TFAP2C: variants seen among roughly 807,000 people sequenced by gnomAD.
The protein encoded by TFAP2C is activating enhancer-binding protein 2 gamma.
TFAP2C carries 9 observed loss-of-function variants against 42.9 expected under a neutral mutation model. The ratio of observed to expected loss-of-function variants is 0.21; its 90% CI spans 0.13 to 0.37. TFAP2C has a LOEUF of 0.37. Ranked by LOEUF, TFAP2C falls within the 10% of genes least tolerant of loss-of-function variation. The pLI is 1.00. For missense variants in TFAP2C, 462 were observed against 591.7 expected, an observed-to-expected ratio of 0.78 and a Z score of 2.27; for synonymous variants, 264 against 256.0, an observed-to-expected ratio of 1.03 and a Z score of -0.30.
intron 6 of TFAP2C, among the ~76,000 whole-genome samples, 172 bp downstream of exon 6, chr20:56,636,926 C>CTTTTTTTTGTATGATTTTTT (rs1288542756): frequency 1.3e-5 from 2 of 152,196 alleles, no homozygotes; most frequent in Non-Finnish European, 2.9e-5. Context: ...AATACATTAA[C>CTTTTTTTTGTATGATTTTTT]TTTTTGTATG....
At position 56,638,304 on chromosome 20, in the gene TFAP2C, G is replaced by T; in HGVS notation, c.*291G>T. ...CCCCATTCTTTCCTTCTCTGAAAGT[G>T]GTGCTATAAGTTTTAGAATCTTTTA... On this transcript the variant is annotated 3_prime_UTR_variant, in exon 7 of 7. Transcript: ENST00000201031. 3.0e-6 allele frequency: 1 copy of T among 332,296 alleles called. No homozygotes were observed. Among genetic ancestry groups the T allele is most frequent in the Non-Finnish European group, 5.5e-6 (1 of 181,650 alleles). The allele number at this position is 332,296 out of a possible 1,614,324, so 20.6% of individuals were successfully genotyped here. A position where few individuals can be genotyped will look rare whatever the true frequency, so the allele number is the denominator to read the frequency against.
At position 56,634,697 on chromosome 20, in the gene TFAP2C, G is replaced by A. The variant is rs1600898726; in HGVS notation, c.922+429G>A. Among the ~76,000 whole-genome samples the A allele has an allele frequency of 2.0e-5, 3 of 152,266 alleles. No individual in the cohort carries two copies. In the Middle Eastern group the frequency reaches 0.01, roughly 518 times the overall value. On this transcript the variant is annotated intron_variant, in intron 5 of 6. Coordinates refer to ENST00000201031, the MANE Select transcript of TFAP2C (RefSeq NM_003222.4). ...GTAGCTGTGGGTTATTTTGTAGCTG[G>A]GGATTGTGGTCAGTGAAGAGAACCT...
At chr20:56,635,899 T>C (rs890362800) in intron 5 of TFAP2C, among the ~76,000 whole-genome samples, 16 of 152,228 alleles carry the variant, frequency 1.1e-4, no homozygotes, top group Non-Finnish European at 1.6e-4. Flanking sequence ...ACTATGTAAA[T>C]GCTATGTAAA....
Position 56,636,720 on chromosome 20 carries a change from A to G in TFAP2C, c.1033A>G (p.Met345Val). 6.2e-7 allele frequency: 1 copy of G among 1,613,588 alleles called. No homozygotes were observed. Among genetic ancestry groups the G allele is most frequent in the Non-Finnish European group, 8.5e-7 (1 of 1,179,918 alleles). Residue 345 changes from methionine to valine, a missense_variant, in exon 6 of 7, where the codon ATG becomes GTG. Met to Val is a conservative substitution (Grantham distance 21). Transcript: ENST00000201031. Reference sequence around the variant, plus strand: ...ACCTCATCTTGGAGGACGAAATGAGATGGCAGCTAGGAAGAACATGCTATT... The same window carrying G: ...ACCTCATCTTGGAGGACGAAATGAGGTGGCAGCTAGGAAGAACATGCTATT... ...TRPHLGGRNE[M>V]AARKNMLLAA...
chr20:56,637,168 A>C lies in TFAP2C; in HGVS notation c.1067+414A>C, dbSNP rs558506302. Among the ~76,000 whole-genome samples, 7 of 152,368 alleles carry C rather than the reference A, an allele frequency of 4.6e-5. No homozygotes were observed. In the South Asian group the frequency reaches 1.4e-3, roughly 32 times the overall value. ...ATCAGGGTGGATTTGTGGGCAAATT[A>C]ACTGTCTCCAAAACGACTTAATGCA... On this transcript the variant is annotated intron_variant, in intron 6 of 6. Transcript: ENST00000201031.
Position 56,631,963 on chromosome 20 carries a change from A to G in TFAP2C, c.586+107A>G. The G allele has an allele frequency of 7.8e-7, 1 of 1,277,780 alleles. No individual in the cohort carries two copies. Among genetic ancestry groups the G allele is most frequent in the Non-Finnish European group, 1.1e-6 (1 of 879,360 alleles). 79.2% of individuals were successfully genotyped at this position (1,277,780 alleles called of 1,614,324 possible). ...GTGGCCAGCGTGGGACATTTGTGGT[A>G]GAAGGGACTGAAAGGGATTCATGGA... On this transcript the variant is annotated intron_variant, in intron 3 of 6. Coordinates refer to ENST00000201031, the MANE Select transcript of TFAP2C (RefSeq NM_003222.4). This position sits in a 1 kb window ranked among gnomAD's most constrained non-coding sequence, Gnocchi z 6.1.
chr20:56,631,547 C>G lies in TFAP2C; in HGVS notation c.391C>G (p.Leu131Val). ...CGGCCTACTGCCCCACCTCTCCGGG[C>G]TGGAGGCGGGCGCGGTGAGCGCCCG... ...PAGLLPHLSG[L>V]EAGAVSARRD... The change falls in exon 2 of 7, where the codon CTG becomes GTG. Residue 131 changes from leucine to valine, a missense_variant. Coordinates refer to ENST00000201031, the MANE Select transcript of TFAP2C (RefSeq NM_003222.4). This position sits in a 1 kb window ranked among gnomAD's most constrained non-coding sequence, Gnocchi z 6.1. 7 of 1,531,842 alleles carry G rather than the reference C, an allele frequency of 4.6e-6. No homozygotes were observed. Among genetic ancestry groups the G allele is most frequent in the Non-Finnish European group, 5.2e-6 (6 of 1,145,754 alleles). The allele number at this position is 1,531,842 out of a possible 1,614,324, so 94.9% of individuals were successfully genotyped here.
rs1029299518 is a variant in TFAP2C, at chr20:56,631,092, G to A, written c.49-113G>A. 3 of 1,437,576 alleles carry A rather than the reference G, an allele frequency of 2.1e-6. No individual in the cohort carries two copies. Among genetic ancestry groups the A allele is most frequent in the African/African-American group, 3.0e-5 (2 of 67,568 alleles). 89.1% of individuals were successfully genotyped at this position (1,437,576 alleles called of 1,614,324 possible). On this transcript the variant is annotated intron_variant, in intron 1 of 6. Transcript: ENST00000201031. The surrounding 1 kb of genome is among the most constrained non-coding windows in gnomAD (Gnocchi z 6.1). The stretch of plus-strand genomic sequence containing the variant: ...TTCCGACCCTGGGCAAGCCCCGCCG[G>A]GCGGGGTGCGGTTGGTCCCCCGGGG...
In TFAP2C at chr20:56,631,290, C is replaced by T; in HGVS notation, c.134C>T (p.Pro45Leu). The T allele has an allele frequency of 6.2e-7, 1 of 1,607,128 alleles. No individual in the cohort carries two copies. Among genetic ancestry groups the T allele is most frequent in the Non-Finnish European group, 8.5e-7 (1 of 1,177,514 alleles). ...CAGCACCTCTACAGCCCCGCGCCAC[C>T]CCTCTCCCACACTGGAGTCGCCGAA... Reference protein sequence around the residue: ...AGQHLYSPAPPLSHTGVAEYQ... With the variant: ...AGQHLYSPAPLLSHTGVAEYQ... The change falls in exon 2 of 7, where the codon CCC becomes CTC. Residue 45 changes from proline to leucine, a missense_variant. This residue lies in a region of TFAP2C where 271 missense variants were observed against 269.7 expected (regional missense o/e 1.00). Coordinates refer to ENST00000201031, the MANE Select transcript of TFAP2C (RefSeq NM_003222.4). This position sits in a 1 kb window ranked among gnomAD's most constrained non-coding sequence, Gnocchi z 6.1.
At position 56,629,431 on chromosome 20, in the gene TFAP2C, GGCGGGGGCGGCGGCA is replaced by G. The variant is rs1987440791; in HGVS notation, c.-112_-98del. The G allele has an allele frequency of 7.4e-6, 7 of 949,250 alleles. No individual in the cohort carries two copies. Among genetic ancestry groups the G allele is most frequent in the Non-Finnish European group, 1.0e-5 (7 of 694,602 alleles). The allele number at this position is 949,250 out of a possible 1,614,324, so 58.8% of individuals were successfully genotyped here. ...GACCCGGACAGCAAGGCCCGCGCGC[GGCGGGGGCGGCGGCA>G]GACGCCTGGTCACCGTGACCCCGAT... On this transcript the variant is annotated 5_prime_UTR_variant, in exon 1 of 7. Coordinates refer to ENST00000201031, the MANE Select transcript of TFAP2C (RefSeq NM_003222.4). This position sits in a 1 kb window ranked among gnomAD's most constrained non-coding sequence, Gnocchi z 5.9.
In TFAP2C at chr20:56,638,530, A is replaced by G. The variant is rs953527770; in HGVS notation, c.*517A>G. ...GAGATCAAGTCCTCTGGTAGGAGGCAAAGGTTCTATCTGCTTAGCAACTAG... is the reference window on the plus strand; with the variant it reads ...GAGATCAAGTCCTCTGGTAGGAGGCGAAGGTTCTATCTGCTTAGCAACTAG... On this transcript the variant is annotated 3_prime_UTR_variant, in exon 7 of 7. Coordinates refer to ENST00000201031, the MANE Select transcript of TFAP2C (RefSeq NM_003222.4). 1 of 155,434 alleles carries G rather than the reference A, an allele frequency of 6.4e-6. No homozygotes were observed. Among genetic ancestry groups the G allele is most frequent in the Non-Finnish European group, 1.4e-5 (1 of 69,822 alleles). The allele number at this position is 155,434 out of a possible 1,614,324, so 9.6% of individuals were successfully genotyped here.
At chr20:56,633,695 T>G in intron 4 of TFAP2C, 126 bp downstream of exon 4, 2 of 717,438 alleles carry the variant, frequency 2.8e-6, no homozygotes, top group Non-Finnish European at 4.7e-6. Flanking sequence ...CGGGTTAGAG[T>G]TTTAGTACAT....
rs1987470293 is a variant in TFAP2C at position 56,630,654 on chromosome 20, C to G, written c.49-551C>G. The G allele has an allele frequency of 1.0e-6, 1 of 981,462 alleles. No homozygotes were observed. Among genetic ancestry groups the G allele is most frequent in the South Asian group, 4.7e-5 (1 of 21,228 alleles). 60.8% of individuals were successfully genotyped at this position (981,462 alleles called of 1,614,324 possible). ...GGCGCAGGGTGGCGGGCCCTGCTTT[C>G]CGAGCGCCGCCCGCTCGGAGGTCTT... On this transcript the variant is annotated intron_variant, in intron 1 of 6. Coordinates refer to ENST00000201031, the MANE Select transcript of TFAP2C (RefSeq NM_003222.4). This position sits in a 1 kb window ranked among gnomAD's most constrained non-coding sequence, Gnocchi z 5.1.
In TFAP2C at chr20:56,637,854, C is replaced by T. The variant is rs751782811; in HGVS notation, c.1194C>T (p.His398=). Residue 398 remains histidine, a synonymous_variant, in exon 7 of 7, where the codon CAC becomes CAT. Transcript: ENST00000201031. The part of the protein sequence containing the change: ...NCLSHFSLIT[H]GFGSQAICAA... ...TGTCTCATTTCAGCCTGATTACCCA[C>T]GGGTTTGGCAGCCAGGCCATCTGTG... 49 of 1,606,722 alleles carry T rather than the reference C, an allele frequency of 3.0e-5. No individual in the cohort carries two copies. The highest frequency in any genetic ancestry group is 6.6e-5 in the South Asian group (6 of 90,944).
At chr20:56,633,760 C>T (rs1434406068) in intron 4 of TFAP2C, among the ~76,000 whole-genome samples, 191 bp downstream of exon 4, 1 of 152,182 alleles carries the variant, frequency 6.6e-6, no homozygotes, top group Non-Finnish European at 1.5e-5. Flanking sequence ...ACGACGCTCA[C>T]AAATTCTCAC....
chr20:56,629,562 C>T lies in TFAP2C; in HGVS notation c.18C>T (p.Thr6=). The change falls in exon 1 of 7, where the codon ACC becomes ACT. Residue 6 remains threonine (T), a synonymous_variant. Transcript: ENST00000201031. The surrounding 1 kb of genome is among the most constrained non-coding windows in gnomAD (Gnocchi z 5.9). MLWKI[T]DNVKYEEDCE... ...CGGACGCCATGTTGTGGAAAATAAC[C>T]GATAATGTCAAGTACGAAGAGGACT... 2.1e-6 allele frequency: 3 copies of T among 1,425,444 alleles called. No homozygotes were observed. The highest frequency in any genetic ancestry group is 2.8e-6 in the Non-Finnish European group (3 of 1,087,236). The allele number at this position is 1,425,444 out of a possible 1,614,324, so 88.3% of individuals were successfully genotyped here. A position where few individuals can be genotyped will look rare whatever the true frequency, so the allele number is the denominator to read the frequency against.
At chr20:56,634,872 G>A (rs1987555799) in intron 5 of TFAP2C, among the ~76,000 whole-genome samples, 1 of 152,170 alleles carries the variant, frequency 6.6e-6, no homozygotes, top group Non-Finnish European at 1.5e-5. Context: ...TGAATGGGGG[G>A]CCCCTTTACC....
rs1218805366 is a variant in TFAP2C at position 56,631,576 on chromosome 20, G to T, written c.420G>T (p.Arg140Ser). The stretch of plus-strand genomic sequence containing the variant: ...AGGCGGGCGCGGTGAGCGCCCGCAG[G>T]GATGCCTACCGCCGCTCCGACCTGC... ...GLEAGAVSAR[R>S]DAYRRSDLLL... Residue 140 changes from arginine (R) to serine (S), a missense_variant, in exon 2 of 7, where the codon AGG becomes AGT. Arg to Ser is a moderately radical substitution (Grantham distance 110). This residue lies in a region of TFAP2C where 271 missense variants were observed against 269.7 expected (regional missense o/e 1.00). Coordinates refer to ENST00000201031, the MANE Select transcript of TFAP2C (RefSeq NM_003222.4). The surrounding 1 kb of genome is among the most constrained non-coding windows in gnomAD (Gnocchi z 6.1). 1.3e-6 allele frequency: 2 copies of T among 1,538,090 alleles called. No individual in the cohort carries two copies. The highest frequency in any genetic ancestry group is 1.7e-6 in the Non-Finnish European group (2 of 1,149,546).
chr20:56,635,091 T>C (rs1329381959), intron 5 of TFAP2C, among the ~76,000 whole-genome samples: 1 of 152,230 alleles, frequency 6.6e-6, no homozygotes, highest in Non-Finnish European at 1.5e-5. Context: ...GAAGACTTTC[T>C]TTCCTTGCTC....
Sources: allele counts gnomAD v4.1 joint callset (sites outside exome capture counted in the v4.1 genomes callset), GRCh38; gene constraint gnomAD v4.1.1; regional missense constraint gnomAD v4.1.1; non-coding constraint Gnocchi (gnomAD v3.1); transcripts MANE v1.5; gene names NCBI Gene and HGNC (gene_info 2026-07-23, HGNC 2026-07-21).